The following CRADD variants were observed in gnomAD, a reference collection of about 807,000 sequenced individuals.
CRADD encodes death domain-containing protein CRADD.
In CRADD, 9 loss-of-function variants were observed where a neutral mutation model predicts 15.5. The observed-to-expected ratio is 0.58, with a 90% CI of 0.35 to 1.01. CRADD has a LOEUF of 1.01. Among genes scored for constraint, CRADD ranks in the 50% least tolerant of loss-of-function variants. The pLI, the probability that CRADD is intolerant of heterozygous loss-of-function variation, is 0.02. For missense variants in CRADD, 227 were observed against 250.3 expected, an observed-to-expected ratio of 0.91 and a Z score of 0.63; for synonymous variants, 118 against 107.6, an observed-to-expected ratio of 1.10 and a Z score of -0.60.
At chr12:93,688,692 G>A (rs554368020) in intron 2 of CRADD, among the ~76,000 whole-genome samples, 3 of 152,208 alleles carry the variant, frequency 2.0e-5, no homozygotes, top group African/African-American at 4.8e-5. Flanking sequence ...GAACAGATGC[G>A]AAAATGTAAG....
downstream of CRADD, among the ~76,000 whole-genome samples, chr12:93,851,168 T>G (rs571081331): frequency 2.2e-4 from 34 of 152,336 alleles, no homozygotes; most frequent in African/African-American, 6.5e-4. Context: ...TATAGAATGC[T>G]TTACTGTTTT....
chr12:93,763,570 C>T (rs1478451726), intron 2 of CRADD, among the ~76,000 whole-genome samples: 1 of 151,844 alleles, frequency 6.6e-6, no homozygotes, highest in Non-Finnish European at 1.5e-5. Flanking sequence ...TTCTTATTAG[C>T]ATTTTGGATT....
intron 2 of CRADD, among the ~76,000 whole-genome samples, chr12:93,690,180 A>G (rs1421813723): frequency 1.3e-5 from 2 of 152,174 alleles, no homozygotes; most frequent in Non-Finnish European, 2.9e-5. Context: ...GATTCAGACT[A>G]TTGGCCAAAC....
chr12:93,780,835 G>C (rs11107179), intron 2 of CRADD, among the ~76,000 whole-genome samples: 1 of 124,344 alleles, frequency 8.0e-6, no homozygotes, highest in Non-Finnish European at 1.7e-5. Context: ...CTGCCTCCTA[G>C]GTTCAAGTGA....
intron 2 of CRADD, among the ~76,000 whole-genome samples, chr12:93,789,819 G>A (rs1341125489): frequency 6.6e-6 from 1 of 152,180 alleles, no homozygotes; most frequent in African/African-American, 2.4e-5. Context: ...GGAAAATTTG[G>A]AAAGGAGATG....
chr12:93,859,379 C>T (rs1958301528), intron 2 of CRADD: 1 of 455,984 alleles, frequency 2.2e-6, no homozygotes, highest in South Asian at 1.5e-5. Flanking sequence ...TACCCCATCC[C>T]ACTGAGCAAC....
intron 2 of CRADD, among the ~76,000 whole-genome samples, chr12:93,735,152 G>A (rs897445262): frequency 2.6e-5 from 4 of 152,110 alleles, no homozygotes; most frequent in Non-Finnish European, 5.9e-5. Flanking sequence ...ATAAATGAAT[G>A]AACAAACACC....
chr12:93,872,947 A>G (rs758455650), intron 2 of CRADD, among the ~76,000 whole-genome samples: 4 of 152,000 alleles, frequency 2.6e-5, no homozygotes, highest in Non-Finnish European at 5.9e-5. Flanking sequence ...TGTGAAGAAT[A>G]TCATTGGTAT....
rs191068526 is a variant in CRADD, at chr12:93,723,089, C to G, written c.298+44017C>G. On this transcript the variant is annotated intron_variant, in intron 2 of 2. Coordinates refer to ENST00000332896, the MANE Select transcript of CRADD (RefSeq NM_003805.5). Reference sequence around the variant, plus strand: ...TGTTGCTTCTCACCTCCAAGCTGTTCCTATTCATTCCTGGGCATAGGCCAA... The same window carrying G: ...TGTTGCTTCTCACCTCCAAGCTGTTGCTATTCATTCCTGGGCATAGGCCAA... Among the ~76,000 whole-genome samples the G allele has an allele frequency of 2.0e-3, 309 of 152,330 alleles. 3 individuals carry two copies. The highest frequency in any genetic ancestry group is 7.0e-3 in the African/African-American group (293 of 41,584).
intron 2 of CRADD, among the ~76,000 whole-genome samples, chr12:93,797,652 A>C (rs536601447): frequency 6.6e-6 from 1 of 152,178 alleles, no homozygotes; most frequent in Admixed American, 6.5e-5. Context: ...TTTTAAAACC[A>C]CCGCAATAGG....
intron 2 of CRADD, among the ~76,000 whole-genome samples, chr12:93,842,788 G>A (rs962724005): frequency 6.9e-6 from 1 of 145,920 alleles, no homozygotes; most frequent in Admixed American, 6.9e-5. Context: ...GGGATGGAGG[G>A]GCGAGAGAAT....
intron 2 of CRADD, among the ~76,000 whole-genome samples, chr12:93,834,491 G>T (rs958309318): frequency 2.6e-5 from 4 of 151,928 alleles, no homozygotes; most frequent in Non-Finnish European, 2.9e-5. Flanking sequence ...AATTAGTTTG[G>T]TTTTTTTCTT....
At chr12:93,773,921 C>T (rs1026282235) in intron 2 of CRADD, among the ~76,000 whole-genome samples, 27 of 143,406 alleles carry the variant, frequency 1.9e-4, no homozygotes, top group Non-Finnish European at 3.1e-4. Context: ...TCAGGCTTGA[C>T]CACCTGGGCT....
intron 2 of CRADD, among the ~76,000 whole-genome samples, chr12:93,881,060 A>G (rs1958496183): frequency 6.6e-6 from 1 of 152,212 alleles, no homozygotes; most frequent in Non-Finnish European, 1.5e-5. Flanking sequence ...CAGTTCCAAG[A>G]AAGTGCAGAC....
At chr12:93,735,283 TC>T (rs1355663024) in intron 2 of CRADD, among the ~76,000 whole-genome samples, 1 of 152,222 alleles carries the variant, frequency 6.6e-6, no homozygotes, top group Non-Finnish European at 1.5e-5. Flanking sequence ...GGGGCAGGTT[TC>T]TTGTGTTTTA....
At chr12:93,837,214 G>T in intron 2 of CRADD, 1 of 152,310 alleles carries the variant, frequency 6.6e-6, no homozygotes, top group South Asian at 2.0e-4. Flanking sequence ...TTACTGTTTT[G>T]AAAATTTACT....
chr12:93,777,685 G>A (rs567952669), intron 2 of CRADD, among the ~76,000 whole-genome samples: 1 of 152,326 alleles, frequency 6.6e-6, no homozygotes, highest in South Asian at 2.1e-4. Flanking sequence ...ATGATTTTAA[G>A]TGACCTCTGA....
intron 2 of CRADD, among the ~76,000 whole-genome samples, chr12:93,765,022 A>C (rs1034693054): frequency 2.7e-5 from 4 of 149,704 alleles, no homozygotes; most frequent in Admixed American, 6.6e-5. Context: ...TTTTTTTCTT[A>C]TTAGGAAAGT....
rs896615306 is a variant in CRADD, at chr12:93,761,849, G to C, written c.298+82777G>C. ...AATTCTCTGTTGCTCAGCATGCTTT[G>C]AGCCCTGATGGATTTCTTTCGATTT... On this transcript the variant is annotated intron_variant, in intron 2 of 2. Coordinates refer to ENST00000332896, the MANE Select transcript of CRADD (RefSeq NM_003805.5). Among the ~76,000 whole-genome samples the C allele has an allele frequency of 2.6e-5, 4 of 152,232 alleles. No individual in the cohort carries two copies. In the East Asian group the frequency reaches 7.7e-4, roughly 29 times the overall value.
Sources: gnomAD v4.1 joint callset for allele counts (sites outside exome capture counted in the v4.1 genomes callset) on GRCh38, gnomAD v4.1.1 for gene constraint, MANE v1.5 for transcripts, NCBI Gene and HGNC (gene_info 2026-07-23, HGNC 2026-07-21) for gene names.